The following AP1B1 variants were observed in gnomAD, a reference collection of about 807,000 sequenced individuals.
The protein encoded by AP1B1 is adaptor related protein complex 1 subunit beta 1.
A neutral mutation model predicts 104.3 loss-of-function variants in AP1B1; 36 were observed. The ratio of observed to expected loss-of-function variants is 0.35; its 90% CI spans 0.26 to 0.46. The LOEUF is 0.46. Among genes scored for constraint, AP1B1 ranks in the 20% least tolerant of loss-of-function variants. AP1B1 has a pLI of 1.00. For synonymous variants in AP1B1, 504 were observed against 517.5 expected, an observed-to-expected ratio of 0.97 and a Z score of 0.35; for missense variants, 901 against 1,247.9, an observed-to-expected ratio of 0.72 and a Z score of 4.19.
chr22:29,371,866 A>G (rs556135658), intron 1 of AP1B1, among the ~76,000 whole-genome samples: 2 of 152,292 alleles, frequency 1.3e-5, no homozygotes, highest in South Asian at 4.1e-4. Context: ...CAGTATAATG[A>G]GTCACTTTGC....
intron 1 of AP1B1, among the ~76,000 whole-genome samples, chr22:29,380,181 C>T (rs2062414648): frequency 6.6e-6 from 1 of 152,160 alleles, no homozygotes; most frequent in Admixed American, 6.5e-5. Context: ...GAAAACCTGT[C>T]TTCCCTCAAA....
chr22:29,336,902 G>A (rs1167827702), intron 16 of AP1B1, among the ~76,000 whole-genome samples: 3 of 152,076 alleles, frequency 2.0e-5, no homozygotes, highest in Non-Finnish European at 2.9e-5. Flanking sequence ...GCAGTGCCTG[G>A]CAAGGGCTGG....
chr22:29,358,706 G>C lies in AP1B1; in HGVS notation c.525+20C>G, dbSNP rs751052694. 11 of 1,602,672 alleles carry C rather than the reference G, an allele frequency of 6.9e-6. No individual in the cohort carries two copies. The highest frequency in any genetic ancestry group is 9.4e-6 in the Non-Finnish European group (11 of 1,171,522). On this transcript the variant is annotated intron_variant, in intron 5 of 22. Coordinates refer to ENST00000357586, the MANE Select transcript of AP1B1 (RefSeq NM_001127.4). ...ACCCAGGAGGTGGTGGAGGTAGCAC[G>C]GTGGGTGGCAGTGGCTTACCATGGG...
chr22:29,387,026 C>T (rs992541458), intron 1 of AP1B1, among the ~76,000 whole-genome samples: 3 of 152,232 alleles, frequency 2.0e-5, no homozygotes, highest in East Asian at 1.9e-4. Context: ...TGTGGTTCCT[C>T]TCTTTTTAGA....
chr22:29,352,170 T>C (rs1450502257), intron 7 of AP1B1, among the ~76,000 whole-genome samples: 1 of 152,216 alleles, frequency 6.6e-6, no homozygotes, highest in East Asian at 1.9e-4. Context: ...GCCTGTTTCC[T>C]CACCCATGAA....
At position 29,358,987 on chromosome 22, in the gene AP1B1, C is replaced by T; in HGVS notation, c.280-16G>A. The T allele has an allele frequency of 6.3e-7, 1 of 1,595,550 alleles. No homozygotes were observed. Among genetic ancestry groups the T allele is most frequent in the Non-Finnish European group, 8.5e-7 (1 of 1,170,918 alleles). ...CCTCACAGTCCTGGGGGGAACCAGC[C>T]ATCGGCCAGGGCAGGGGTGGGATGA... On this transcript the variant is annotated splice_polypyrimidine_tract_variant and intron_variant, in intron 4 of 22. Transcript: ENST00000357586.
chr22:29,329,859 G>A (rs2061530922), intron 21 of AP1B1, 139 bp from the exon 22 acceptor site: 4 of 1,501,046 alleles, frequency 2.7e-6, no homozygotes, highest in East Asian at 2.4e-5. Context: ...AGTGTCTGGA[G>A]GGCCATGCCT....
In AP1B1 at chr22:29,364,820, T is replaced by C. The variant is rs146457208; in HGVS notation, c.38-1714A>G. On this transcript the variant is annotated intron_variant, in intron 2 of 22. Coordinates refer to ENST00000357586, the MANE Select transcript of AP1B1 (RefSeq NM_001127.4). The stretch of plus-strand genomic sequence containing the variant: ...GCCTCCCGGGTTCAAGCAATTCTGC[T>C]GCCTCAGCCTCCCAAATAGCTGGAA... 4.0e-3 allele frequency among the ~76,000 whole-genome samples: 614 copies of C among 152,224 alleles called. 2 individuals are homozygous for C. The highest frequency in any genetic ancestry group is 7.0e-3 in the Non-Finnish European group (477 of 68,004).
Position 29,359,897 on chromosome 22 carries a change from A to AT in AP1B1, c.205_206insA (p.Val69AspfsTer14). ...GGCGTAATTCATCAAGTAGAGGTAT[A>AT]CTAGCTTCTTCAGCTCCAGGTTGTC... On this transcript the variant is annotated frameshift_variant, in exon 4 of 23. Transcript: ENST00000357586. LOFTEE classifies it high-confidence loss of function. The AT allele has an allele frequency of 6.2e-7, 1 of 1,614,096 alleles. No individual in the cohort carries two copies. The highest frequency in any genetic ancestry group is 8.5e-7 in the Non-Finnish European group (1 of 1,179,994).
At chr22:29,343,175 A>T (rs1235037650) in intron 11 of AP1B1, among the ~76,000 whole-genome samples, 2 of 152,282 alleles carry the variant, frequency 1.3e-5, no homozygotes, top group Admixed American at 1.3e-4. Context: ...GTCTCTGCAC[A>T]TAATCCTTCC....
chr22:29,368,194 A>G (rs2062174298), intron 1 of AP1B1, among the ~76,000 whole-genome samples: 1 of 152,058 alleles, frequency 6.6e-6, no homozygotes, highest in African/African-American at 2.4e-5. Flanking sequence ...GTTACTTGGG[A>G]GGGTGAGGCA....
chr22:29,353,548 C>T (rs747183753), intron 7 of AP1B1, among the ~76,000 whole-genome samples: 37 of 152,198 alleles, frequency 2.4e-4, no homozygotes, highest in South Asian at 4.1e-4. Flanking sequence ...TAAAGACCCA[C>T]ACTGCAACCA....
intron 16 of AP1B1, among the ~76,000 whole-genome samples, chr22:29,337,686 C>T (rs1269687308): frequency 6.6e-6 from 1 of 152,182 alleles, no homozygotes; most frequent in Non-Finnish European, 1.5e-5. Context: ...CCACACTGAG[C>T]TCTCCTCAGT....
chr22:29,364,805 T>C (rs1162343295), intron 2 of AP1B1, among the ~76,000 whole-genome samples: 1 of 150,938 alleles, frequency 6.6e-6, no homozygotes, highest in East Asian at 1.9e-4. Context: ...GCCTCCCGGG[T>C]TCAAGCAATT....
intron 1 of AP1B1, among the ~76,000 whole-genome samples, chr22:29,380,168 C>T (rs984798850): frequency 6.6e-6 from 1 of 152,210 alleles, no homozygotes; most frequent in African/African-American, 2.4e-5. Context: ...CTCCCTCCTT[C>T]CTGAAAACCT....
At chr22:29,336,853 C>T (rs370656885) in intron 16 of AP1B1, among the ~76,000 whole-genome samples, 1 of 151,748 alleles carries the variant, frequency 6.6e-6, no homozygotes, top group African/African-American at 2.4e-5. Context: ...TGCCAGCTTG[C>T]CAAAGGCCAG....
chr22:29,360,895 G>C (rs1291512962), intron 3 of AP1B1, among the ~76,000 whole-genome samples: 3 of 152,192 alleles, frequency 2.0e-5, no homozygotes, highest in African/African-American at 7.2e-5. Context: ...TCAACATAGA[G>C]ACTTAGGAGG....
chr22:29,359,776 A>C, intron 4 of AP1B1, 48 bp downstream of exon 4: 1 of 1,577,442 alleles, frequency 6.3e-7, no homozygotes, highest in South Asian at 1.2e-5. Context: ...GAGGGGAGAC[A>C]GAGCCTTAAG....
chr22:29,337,464 C>A (rs944455143), intron 16 of AP1B1, among the ~76,000 whole-genome samples: 5 of 152,160 alleles, frequency 3.3e-5, no homozygotes, highest in African/African-American at 2.4e-5. Context: ...GTGGGGAAAG[C>A]CAGCTCAGGG....
Sources: gnomAD v4.1 joint callset for allele counts (sites outside exome capture counted in the v4.1 genomes callset) on GRCh38, gnomAD v4.1.1 for gene constraint, MANE v1.5 for transcripts, NCBI Gene and HGNC (gene_info 2026-07-23, HGNC 2026-07-21) for gene names.